The following NQO2 variants were observed in gnomAD, a reference collection of about 807,000 sequenced individuals.
NQO2 encodes the protein ribosyldihydronicotinamide dehydrogenase [quinone].
NQO2 carries 18 observed loss-of-function variants against 22.0 expected under a neutral mutation model. The ratio of observed to expected loss-of-function variants is 0.82; its 90% confidence interval spans 0.56 to 1.21. The LOEUF (loss-of-function observed/expected upper bound fraction) is 1.21. Ranked by LOEUF, NQO2 falls within the 50% of genes most tolerant of loss-of-function variation. The pLI, the probability that NQO2 is intolerant of heterozygous loss-of-function variation, is 0.00. For missense variants in NQO2, 267 were observed against 286.9 expected (o/e 0.93, Z 0.50); for synonymous variants, 106 against 110.8 (o/e 0.96, Z 0.28).
chr6:3,005,272 T>G (rs917656801), intron 1 of NQO2, among the ~76,000 whole-genome samples: 39 of 152,210 alleles, frequency 2.6e-4, no homozygotes, highest in African/African-American at 9.2e-4. Context: ...CGAATGGAAT[T>G]GCTGAGTCAT....
intron 4 of NQO2, among the ~76,000 whole-genome samples, chr6:3,014,625 C>CT (rs572063508): frequency 6.6e-6 from 1 of 152,132 alleles, no homozygotes; most frequent in Non-Finnish European, 1.5e-5. Flanking sequence ...CCTACTTTCC[C>CT]TTTTTTTCTG....
chr6:3,018,469 C>T (rs1757416696), intron 6 of NQO2, among the ~76,000 whole-genome samples: 1 of 152,152 alleles, frequency 6.6e-6, no homozygotes, highest in Non-Finnish European at 1.5e-5. Context: ...TGCACCACTG[C>T]ACTCCAGCCT....
chr6:3,005,344 A>T (rs1028951494), intron 1 of NQO2, among the ~76,000 whole-genome samples: 2 of 152,214 alleles, frequency 1.3e-5, no homozygotes, highest in African/African-American at 4.8e-5. Context: ...CAGCAGCGGC[A>T]GCACTCGACC....
At chr6:3,015,790 C>A (rs1757307894) in intron 5 of NQO2, 147 bp downstream of exon 5, 1 of 758,666 alleles carries the variant, frequency 1.3e-6, no homozygotes, top group African/African-American at 1.8e-5. Context: ...CCATGTGCTG[C>A]ACACGGGTGG....
intron 3 of NQO2, among the ~76,000 whole-genome samples, chr6:3,010,528 G>C (rs1020258212): frequency 2.2e-4 from 33 of 152,102 alleles, no homozygotes; most frequent in Non-Finnish European, 3.7e-4. Context: ...AAGAGATCAA[G>C]GGGGACAATC....
At chr6:3,008,027 G>A (rs1757006770) in intron 2 of NQO2, among the ~76,000 whole-genome samples, 1 of 152,226 alleles carries the variant, frequency 6.6e-6, no homozygotes, top group Admixed American at 6.5e-5. Flanking sequence ...TATTTTTGAG[G>A]AGATATAATT....
intron 1 of NQO2, chr6:3,004,717 G>T: frequency 3.4e-6 from 3 of 887,586 alleles, no homozygotes; most frequent in Non-Finnish European, 4.0e-6. Context: ...CACACTGATA[G>T]GTTCACGTTG....
intron 1 of NQO2, among the ~76,000 whole-genome samples, chr6:3,002,660 G>A (rs1756773902): frequency 6.6e-6 from 1 of 151,836 alleles, no homozygotes; most frequent in African/African-American, 2.4e-5. Context: ...CTTTCTGTCA[G>A]GCTTAGAATA....
intron 1 of NQO2, among the ~76,000 whole-genome samples, chr6:3,003,053 C>T (rs1756793162): frequency 6.6e-6 from 1 of 152,204 alleles, no homozygotes; most frequent in Non-Finnish European, 1.5e-5. Context: ...CTTTGCCAGG[C>T]CTCCCTATGC....
intron 3 of NQO2, chr6:3,012,268 TG>T: frequency 4.2e-6 from 2 of 476,196 alleles, no homozygotes; most frequent in Non-Finnish European, 2.7e-6. Context: ...GTTTGCTCTC[TG>T]GTAAATTGGG....
chr6:3,016,430 C>CAAAAAAAAAAAAAAAAAAAAAAAAAAAAA (rs36118697), intron 5 of NQO2, among the ~76,000 whole-genome samples: 3 of 85,704 alleles, frequency 3.5e-5, no homozygotes, highest in African/African-American at 1.4e-4. Flanking sequence ...GACTCTGTCT[C>CAAAAAAAAAAAAAAAAAAAAAAAAAAAAA]AAAAAAAAAA....
At chr6:3,018,615 T>A in intron 6 of NQO2, among the ~76,000 whole-genome samples, 1 of 152,150 alleles carries the variant, frequency 6.6e-6, no homozygotes, top group East Asian at 1.9e-4. Flanking sequence ...CAGGCCTGGA[T>A]GAGGGTGTGG....
chr6:3,008,799 C>T (rs370511443), intron 2 of NQO2, among the ~76,000 whole-genome samples: 84 of 152,114 alleles, frequency 5.5e-4, no homozygotes, highest in African/African-American at 1.9e-3. Context: ...CGGCAGGTTC[C>T]GTGATGCCCC....
At position 3,005,774 on chromosome 6, in the gene NQO2, G is replaced by A. The variant is rs1400834733; in HGVS notation, c.-85-694G>A. On this transcript the variant is annotated intron_variant, in intron 1 of 6. Coordinates refer to ENST00000380455, the MANE Select transcript of NQO2 (RefSeq NM_000904.6). ...AGAGCCCCATTGTGTGCCAGCCACC[G>A]CACATAGCAACTGTCTCTCTCTCAC... The A allele has an allele frequency of 1.3e-5, 13 of 985,198 alleles. No individual in the cohort carries two copies. In the South Asian group the frequency reaches 4.2e-4, roughly 32 times the overall value. 61.0% of individuals were successfully genotyped at this position (985,198 alleles called of 1,614,324 possible).
chr6:3,017,092 C>T (rs763033974), intron 6 of NQO2, 107 bp downstream of exon 6: 37 of 1,310,288 alleles, frequency 2.8e-5, no homozygotes, highest in Non-Finnish European at 3.6e-5. Flanking sequence ...ATGCCCTCAG[C>T]TCCCCGAGGG....
chr6:3,004,871 G>A lies in NQO2; in HGVS notation c.-85-1597G>A, dbSNP rs140539073. On this transcript the variant is annotated intron_variant, in intron 1 of 6. Transcript: ENST00000380455. The stretch of plus-strand genomic sequence containing the variant: ...ACCATTTTAACCACTTTTTTTGTTT[G>A]TTTGTTTTTTGTGTTTTTGGACAGA... 2.1e-4 allele frequency among the ~76,000 whole-genome samples: 32 copies of A among 152,140 alleles called. No homozygotes were observed. The East Asian group carries it at 6.0e-3, about 29-fold the overall frequency.
At chr6:3,004,294 G>C in intron 1 of NQO2, 1 of 974,714 alleles carries the variant, frequency 1.0e-6, no homozygotes, top group Non-Finnish European at 1.2e-6. Context: ...GGGATATTCA[G>C]TCACTAAAGA....
At chr6:3,018,704 G>A (rs1008375005) in intron 6 of NQO2, among the ~76,000 whole-genome samples, 2 of 152,108 alleles carry the variant, frequency 1.3e-5, no homozygotes, top group Non-Finnish European at 2.9e-5. Flanking sequence ...GAAAAAGTAC[G>A]TGATTCCAGT....
Position 3,016,972 on chromosome 6 carries a change from T to C in NQO2, c.506T>C (p.Leu169Pro). Residue 169 changes from leucine (L) to proline (P), a missense_variant, in exon 6 of 7, where the codon CTG becomes CCG. Physicochemically the swap from Leu to Pro is moderately conservative, Grantham distance 98 (BLOSUM62 -3). Coordinates refer to ENST00000380455, the MANE Select transcript of NQO2 (RefSeq NM_000904.6). ...TGVNGDSRYFLWPLQHGTLHF... is the reference protein window; with the variant it reads ...TGVNGDSRYFPWPLQHGTLHF... ...GTCAATGGAGATTCTCGATACTTCCTGTGGCCACTCCAGGTAGACCAGCTG... is the reference window on the plus strand; with the variant it reads ...GTCAATGGAGATTCTCGATACTTCCCGTGGCCACTCCAGGTAGACCAGCTG... 1 of 1,613,974 alleles carries C rather than the reference T, an allele frequency of 6.2e-7. No individual in the cohort carries two copies. The highest frequency in any genetic ancestry group is 8.5e-7 in the Non-Finnish European group (1 of 1,180,004).
Sources: allele counts gnomAD v4.1 joint callset (sites outside exome capture counted in the v4.1 genomes callset), GRCh38; gene constraint gnomAD v4.1.1; transcripts MANE v1.5; gene names NCBI Gene and HGNC (gene_info 2026-07-23, HGNC 2026-07-21).